ADAMTS19: variants seen among roughly 807,000 people sequenced by gnomAD.
ADAMTS19 encodes the protein ADAM metallopeptidase with thrombospondin type 1 motif 19.
ADAMTS19 carries 93 observed loss-of-function variants against 153.3 expected under a neutral mutation model. That is an observed-to-expected ratio of 0.61 (90% CI 0.51 to 0.72). The LOEUF (loss-of-function observed/expected upper bound fraction) is 0.72, where lower values mean the gene tolerates loss of function less well. Ranked by LOEUF, ADAMTS19 falls within the 30% of genes least tolerant of loss-of-function variation. ADAMTS19 has a pLI of 0.00. For missense variants in ADAMTS19, 1,482 were observed against 1,552.1 expected (o/e 0.95, Z 0.76); for synonymous variants, 600 against 556.6 (o/e 1.08, Z -1.10).
chr5:129,579,712 T>C (rs1242088628), intron 7 of ADAMTS19, among the ~76,000 whole-genome samples: 1 of 152,188 alleles, frequency 6.6e-6, no homozygotes, highest in Non-Finnish European at 1.5e-5. Flanking sequence ...CCATTGCTTG[T>C]TTTTGTCAGG....
rs571284879 is a variant in ADAMTS19, at chr5:129,461,076, C to G, written c.92-26C>G. The G allele has an allele frequency of 7.3e-7, 1 of 1,360,764 alleles. No individual in the cohort carries two copies. Among genetic ancestry groups the G allele is most frequent in the Non-Finnish European group, 9.4e-7 (1 of 1,060,234 alleles). The allele number at this position is 1,360,764 out of a possible 1,614,324, so 84.3% of individuals were successfully genotyped here. A position where few individuals can be genotyped will look rare whatever the true frequency, so the allele number is the denominator to read the frequency against. ...ACTGGAACCGCGGCACTTTAAGCCC[C>G]GCACTTCTGTCTGCCCCGCCCGCAG... is the stretch of plus-strand genomic sequence containing the variant. On this transcript the variant is annotated intron_variant, in intron 1 of 22. Transcript: ENST00000274487. The surrounding 1 kb of genome is among the most constrained non-coding windows in gnomAD (Gnocchi z 4.6).
intron 2 of ADAMTS19, among the ~76,000 whole-genome samples, chr5:129,491,234 C>A (rs1004229915): frequency 6.6e-6 from 1 of 152,120 alleles, no homozygotes; most frequent in African/African-American, 2.4e-5. Context: ...GATCTCCTGA[C>A]CTTGTGATCC....
intron 15 of ADAMTS19, 108 bp from the exon 16 acceptor site, chr5:129,665,391 A>C (rs1234568016): frequency 1.4e-5 from 12 of 848,334 alleles, no homozygotes; most frequent in South Asian, 4.3e-5. Context: ...AAGTACTGAA[A>C]TATCATAGCA....
chr5:129,500,911 T>C lies in ADAMTS19; in HGVS notation c.748-8166T>C, dbSNP rs534394735. On this transcript the variant is annotated intron_variant, in intron 2 of 22. Coordinates refer to ENST00000274487, the MANE Select transcript of ADAMTS19 (RefSeq NM_133638.6). ...AATTAAAAAACACACAAAGATCGCA[T>C]AATGCTATTAAGAAACAAGCTTTTC... is the stretch of plus-strand genomic sequence containing the variant. Among the ~76,000 whole-genome samples the C allele has an allele frequency of 2.0e-5, 3 of 152,294 alleles. No homozygotes were observed. In the East Asian group the frequency reaches 5.8e-4, roughly 29 times the overall value.
At chr5:129,684,363 C>T in intron 18 of ADAMTS19, 90 bp downstream of exon 18, 1 of 1,468,632 alleles carries the variant, frequency 6.8e-7, no homozygotes, top group Non-Finnish European at 9.1e-7. Context: ...AATCCCTAAT[C>T]TGCAATTCCA....
chr5:129,598,382 A>T (rs1307697185), intron 8 of ADAMTS19, among the ~76,000 whole-genome samples: 1 of 152,172 alleles, frequency 6.6e-6, no homozygotes, highest in Non-Finnish European at 1.5e-5. Context: ...TGGCAGTGGA[A>T]TTTGATTGGT....
intron 2 of ADAMTS19, among the ~76,000 whole-genome samples, chr5:129,499,739 A>G (rs774947621): frequency 3.9e-5 from 6 of 152,148 alleles, no homozygotes; most frequent in Admixed American, 6.6e-5. Context: ...AACAAAGGGG[A>G]CATTCATCAG....
At chr5:129,705,771 G>T (rs369074129) in intron 21 of ADAMTS19, among the ~76,000 whole-genome samples, 72 of 152,304 alleles carry the variant, frequency 4.7e-4, no homozygotes, top group African/African-American at 1.7e-3. Flanking sequence ...GACAAATAGA[G>T]CAGGATAATA....
chr5:129,602,830 G>C (rs1286195738), intron 8 of ADAMTS19, among the ~76,000 whole-genome samples: 27 of 148,970 alleles, frequency 1.8e-4, no homozygotes, highest in African/African-American at 5.5e-4. Context: ...TATTCTCTGT[G>C]TGTGTGTGTG....
chr5:129,484,361 T>C (rs1236511063), intron 2 of ADAMTS19, among the ~76,000 whole-genome samples: 1 of 152,144 alleles, frequency 6.6e-6, no homozygotes, highest in Non-Finnish European at 1.5e-5. Flanking sequence ...CTCCAACCAA[T>C]TTTTTATCTG....
intron 2 of ADAMTS19, among the ~76,000 whole-genome samples, chr5:129,469,483 T>C (rs1367020045): frequency 2.0e-5 from 3 of 152,202 alleles, no homozygotes; most frequent in Admixed American, 1.3e-4. Flanking sequence ...TTTTGTGTAG[T>C]ATCTATTAGA....
intron 8 of ADAMTS19, 51 bp downstream of exon 8, chr5:129,596,715 T>A: frequency 7.5e-7 from 1 of 1,326,062 alleles, no homozygotes; most frequent in Non-Finnish European, 1.0e-6. Context: ...AACTTTGTAA[T>A]TCGAGTTACT....
At chr5:129,564,251 C>A (rs991754473) in intron 7 of ADAMTS19, among the ~76,000 whole-genome samples, 1 of 152,066 alleles carries the variant, frequency 6.6e-6, no homozygotes, top group Non-Finnish European at 1.5e-5. Flanking sequence ...CCTTGTGAGA[C>A]CTTAAGCAGA....
chr5:129,715,257 T>C (rs76233986), intron 21 of ADAMTS19, among the ~76,000 whole-genome samples: 7,182 of 152,246 alleles, frequency 0.047, 567 homozygotes, highest in African/African-American at 0.16. Flanking sequence ...TTTAAAAAAT[T>C]CTTACTTTTT....
chr5:129,532,077 T>A (rs1354884462), intron 6 of ADAMTS19, among the ~76,000 whole-genome samples: 1 of 151,884 alleles, frequency 6.6e-6, no homozygotes, highest in Non-Finnish European at 1.5e-5. Context: ...AAAAATAACA[T>A]CTTCATGAAC....
chr5:129,497,953 A>G, intron 2 of ADAMTS19, among the ~76,000 whole-genome samples: 1 of 152,108 alleles, frequency 6.6e-6, no homozygotes, highest in African/African-American at 2.4e-5. Flanking sequence ...ACATTAGATC[A>G]TGCCATCCAC....
At chr5:129,478,538 C>T (rs538415463) in intron 2 of ADAMTS19, among the ~76,000 whole-genome samples, 1 of 152,060 alleles carries the variant, frequency 6.6e-6, no homozygotes, top group Non-Finnish European at 1.5e-5. Flanking sequence ...AGTGGAACCC[C>T]TACCTTTTTT....
intron 10 of ADAMTS19, among the ~76,000 whole-genome samples, chr5:129,626,069 T>C (rs764254085): frequency 1.3e-5 from 2 of 152,158 alleles, no homozygotes; most frequent in Non-Finnish European, 2.9e-5. Flanking sequence ...AAATACCATA[T>C]TGTCTAGTCC....
chr5:129,582,125 C>T (rs575044919), intron 7 of ADAMTS19, among the ~76,000 whole-genome samples: 3 of 147,704 alleles, frequency 2.0e-5, no homozygotes, highest in Non-Finnish European at 4.5e-5. Context: ...CCACTTGGTC[C>T]AGAGCTGAGT....
Sources: allele counts gnomAD v4.1 joint callset (sites outside exome capture counted in the v4.1 genomes callset), GRCh38; gene constraint gnomAD v4.1.1; non-coding constraint Gnocchi (gnomAD v3.1); transcripts MANE v1.5; gene names NCBI Gene and HGNC (gene_info 2026-07-23, HGNC 2026-07-21).